Variants in COL11A1 observed in about 807,000 individuals in gnomAD.
The protein encoded by COL11A1 is collagen type XI alpha 1 chain, also known as collagen alpha-1(XI) chain.
Under a neutral mutation model 265.2 loss-of-function variants are expected in COL11A1, and 74 were observed. The ratio of observed to expected loss-of-function variants is 0.28; its 90% CI spans 0.23 to 0.34. The LOEUF is 0.34. COL11A1 is among the 10% of genes least tolerant of loss of function. The pLI is 1.00. For missense variants in COL11A1, 2,165 were observed against 2,263.6 expected, an observed-to-expected ratio of 0.96 and a Z score of 0.88; for synonymous variants, 816 against 727.6, an observed-to-expected ratio of 1.12 and a Z score of -1.96.
chr1:103,015,085 T>G (rs935575778), intron 12 of COL11A1, among the ~76,000 whole-genome samples: 1 of 152,094 alleles, frequency 6.6e-6, no homozygotes. Context: ...AAACAGATCT[T>G]CTGTAATATT....
intron 9 of COL11A1, among the ~76,000 whole-genome samples, chr1:103,021,272 T>G (rs568189804): frequency 3.3e-5 from 5 of 151,776 alleles, no homozygotes; most frequent in Non-Finnish European, 5.9e-5. Flanking sequence ...TATGACACAA[T>G]TTGGATATGT....
At chr1:103,086,735 C>G (rs1310996668) in intron 1 of COL11A1, among the ~76,000 whole-genome samples, 2 of 152,032 alleles carry the variant, frequency 1.3e-5, no homozygotes, top group Non-Finnish European at 1.5e-5. Context: ...CTTTTAACAC[C>G]ATGACCTTAT....
At chr1:103,050,446 T>G (rs1030003875) in intron 4 of COL11A1, among the ~76,000 whole-genome samples, 3 of 152,198 alleles carry the variant, frequency 2.0e-5, no homozygotes, top group Non-Finnish European at 4.4e-5. Context: ...TGGTTTTCAG[T>G]TCCATCAGGT....
At chr1:103,095,138 A>G (rs1015468199) in intron 1 of COL11A1, among the ~76,000 whole-genome samples, 3 of 152,094 alleles carry the variant, frequency 2.0e-5, no homozygotes, top group African/African-American at 4.8e-5. Context: ...TATTGACTAT[A>G]CTATGTATGT....
intron 57 of COL11A1, among the ~76,000 whole-genome samples, chr1:102,891,694 G>T (rs1357024394): frequency 1.3e-5 from 2 of 148,590 alleles, no homozygotes; most frequent in African/African-American, 5.0e-5. Flanking sequence ...GGGTAACACA[G>T]TGAGACATTT....
chr1:102,898,521 T>C, intron 56 of COL11A1, 145 bp downstream of exon 56: 1 of 627,604 alleles, frequency 1.6e-6, no homozygotes, highest in Non-Finnish European at 2.8e-6. Flanking sequence ...AAGAATATCT[T>C]TTTTACATTA....
chr1:103,092,600 C>A lies in COL11A1; in HGVS notation c.107-9628G>T, dbSNP rs117162728. ...GTAGTGCATTCTGTACTACTGTAAT[C>A]ATTTGTTAGCCACCTCCTGTTGCTA... On this transcript the variant is annotated intron_variant, in intron 1 of 66. Transcript: ENST00000370096. Among the ~76,000 whole-genome samples, 26 of 152,174 alleles carry A rather than the reference C, an allele frequency of 1.7e-4. No homozygotes were observed. The East Asian group carries it at 5.0e-3, about 29-fold the overall frequency.
chr1:102,975,400 C>T (rs565920367), intron 35 of COL11A1, among the ~76,000 whole-genome samples: 63 of 152,108 alleles, frequency 4.1e-4, no homozygotes, highest in African/African-American at 1.4e-3. Context: ...CTTTATTCTC[C>T]ATATCTAAAA....
At chr1:102,984,445 A>G (rs1663344789) in intron 30 of COL11A1, among the ~76,000 whole-genome samples, 1 of 152,084 alleles carries the variant, frequency 6.6e-6, no homozygotes, top group Admixed American at 6.6e-5. Context: ...TTCTTTAGGT[A>G]CATGAACCCT....
rs1351986254 is a variant in COL11A1 at position 102,915,661 on chromosome 1, G to A, written c.3786C>T (p.Asn1262=). The change falls in exon 50 of 67, where the codon AAC becomes AAT. Residue 1262 remains asparagine (N), a synonymous_variant. Coordinates refer to ENST00000370096, the MANE Select transcript of COL11A1 (RefSeq NM_001854.4). ...GEKGEPGEAG[N]PGPPGEAGVG... Reference sequence around the variant, plus strand: ...CACCTGCTTCCCCAGGAGGCCCTGGGTTCCCTGCTTCTCCAGGTTCACCCT... The same window carrying A: ...CACCTGCTTCCCCAGGAGGCCCTGGATTCCCTGCTTCTCCAGGTTCACCCT... The A allele has an allele frequency of 6.2e-7, 1 of 1,612,948 alleles. No homozygotes were observed. Among genetic ancestry groups the A allele is most frequent in the Non-Finnish European group, 8.5e-7 (1 of 1,179,110 alleles).
chr1:102,943,368 G>A (rs1389512349), intron 42 of COL11A1, among the ~76,000 whole-genome samples: 2 of 150,876 alleles, frequency 1.3e-5, no homozygotes, highest in African/African-American at 2.4e-5. Context: ...CAGTATTCTC[G>A]ATCTTTTACA....
intron 50 of COL11A1, 45 bp from the exon 51 acceptor site, chr1:102,914,856 G>C: frequency 6.8e-7 from 1 of 1,462,530 alleles, no homozygotes; most frequent in Non-Finnish European, 9.4e-7. Flanking sequence ...GGAAAGAAGA[G>C]TTATCTTACA....
chr1:103,011,373 T>C (rs1441917541), intron 14 of COL11A1, among the ~76,000 whole-genome samples: 1 of 152,126 alleles, frequency 6.6e-6, no homozygotes, highest in Non-Finnish European at 1.5e-5. Flanking sequence ...TGTTAAATTA[T>C]ATAATTTAAA....
At chr1:102,973,357 CACAT>C (rs1280859100) in intron 36 of COL11A1, among the ~76,000 whole-genome samples, 8 of 152,014 alleles carry the variant, frequency 5.3e-5, no homozygotes, top group Non-Finnish European at 1.2e-4. Context: ...TGTTGAAAGA[CACAT>C]AACACAATGG....
At chr1:102,901,639 T>C (rs548259743) in intron 54 of COL11A1, among the ~76,000 whole-genome samples, 170 of 152,318 alleles carry the variant, frequency 1.1e-3, no homozygotes, top group Non-Finnish European at 1.7e-3. Flanking sequence ...GATGAAGTAA[T>C]GAGTGTTCTT....
At chr1:102,938,663 T>C (rs2376262) in intron 44 of COL11A1, among the ~76,000 whole-genome samples, 67,887 of 151,948 alleles carry the variant, frequency 0.45, 16,342 homozygotes, top group African/African-American at 0.63. Context: ...AAATAAGTAT[T>C]TATAACATAT....
intron 37 of COL11A1, among the ~76,000 whole-genome samples, chr1:102,966,077 T>C (rs1246828210): frequency 4.6e-5 from 7 of 152,204 alleles, no homozygotes; most frequent in South Asian, 2.1e-4. Context: ...TCAAGAGATA[T>C]AGTCATAAAT....
At chr1:102,923,437 A>G (rs1656219679) in intron 46 of COL11A1, 48 bp from the exon 47 acceptor site, 2 of 1,448,384 alleles carry the variant, frequency 1.4e-6, no homozygotes, top group Admixed American at 2.0e-5. Context: ...ATGTCTTTAA[A>G]AAAAAAAGTT....
Position 102,940,383 on chromosome 1 carries a change from C to T in COL11A1, c.3328G>A (p.Val1110Ile), listed in dbSNP as rs1367481145. The T allele has an allele frequency of 6.2e-7, 1 of 1,614,080 alleles. No homozygotes were observed. The highest frequency in any genetic ancestry group is 8.5e-7 in the Non-Finnish European group (1 of 1,179,994). Reference protein sequence around the residue: ...PAGRDGVQGPVGLPGPAGPAG... With the variant: ...PAGRDGVQGPIGLPGPAGPAG... ...GGACCAGCTGGCCCTGGGAGACCAA[C>T]AGGACCTTGAACTCCATCTCTCCCT... is the stretch of plus-strand genomic sequence containing the variant. Residue 1110 changes from valine to isoleucine, a missense_variant, in exon 43 of 67, where the codon GTT (valine) becomes ATT (isoleucine). Physicochemically the swap from Val to Ile is conservative, Grantham distance 29. Transcript: ENST00000370096.
Sources: gnomAD v4.1 joint callset for allele counts (sites outside exome capture counted in the v4.1 genomes callset) on GRCh38, gnomAD v4.1.1 for gene constraint, MANE v1.5 for transcripts, NCBI Gene and HGNC (gene_info 2026-07-23, HGNC 2026-07-21) for gene names.